GALNT14: variants seen among roughly 807,000 people sequenced by gnomAD.
The protein encoded by GALNT14 is UDP-GalNAc:polypeptide N-acetylgalactosaminyltransferase 14.
GALNT14 carries 60 observed loss-of-function variants against 77.5 expected under a neutral mutation model. The ratio of observed to expected loss-of-function variants is 0.77; its 90% CI spans 0.63 to 0.96. GALNT14 has a LOEUF of 0.96. Ranked by LOEUF, GALNT14 falls within the 40% of genes least tolerant of loss-of-function variation. GALNT14 has a pLI of 0.00. For synonymous variants in GALNT14, 280 were observed against 281.7 expected (o/e 0.99, Z 0.06); for missense variants, 710 against 731.0 (o/e 0.97, Z 0.33).
At position 31,102,522 on chromosome 2, in the gene GALNT14, A is replaced by AT. The variant is rs534183590; in HGVS notation, c.129+35435dup. Among the ~76,000 whole-genome samples, 30 of 151,454 alleles carry AT rather than the reference A, an allele frequency of 2.0e-4. No homozygotes were observed. In the East Asian group the frequency reaches 5.6e-3, roughly 28 times the overall value. On this transcript the variant is annotated intron_variant, in intron 1 of 14. Transcript: ENST00000349752. ...TTGCACTGTAATCAGAGAATATTGT[A>AT]TTTTTTCTACCTTTTGGGATTTATT...
At chr2:31,009,184 T>C (rs1322454840) in intron 1 of GALNT14, among the ~76,000 whole-genome samples, 1 of 152,170 alleles carries the variant, frequency 6.6e-6, no homozygotes, top group East Asian at 1.9e-4. Context: ...GAAGAACAAA[T>C]GGAGGAGGCA....
chr2:31,064,499 A>C (rs1365436881), intron 1 of GALNT14, among the ~76,000 whole-genome samples: 1 of 152,204 alleles, frequency 6.6e-6, no homozygotes, highest in East Asian at 1.9e-4. Context: ...CTGGGGACTA[A>C]ATTTAACTAA....
intron 9 of GALNT14, among the ~76,000 whole-genome samples, chr2:30,933,173 G>A (rs552531811): frequency 1.3e-5 from 2 of 152,172 alleles, no homozygotes. Flanking sequence ...GAATGACTGT[G>A]AGTGTTATCA....
At chr2:31,038,591 A>G (rs930110735) in intron 1 of GALNT14, among the ~76,000 whole-genome samples, 1 of 152,044 alleles carries the variant, frequency 6.6e-6, no homozygotes, top group African/African-American at 2.4e-5. Context: ...TTCCAACTCC[A>G]TTCTGCCCCC....
intron 13 of GALNT14, among the ~76,000 whole-genome samples, chr2:30,919,444 C>T (rs368637106): frequency 3.2e-4 from 49 of 152,262 alleles, no homozygotes; most frequent in Admixed American, 7.8e-4. Context: ...ACAACGAGGA[C>T]GCCCCAGAGC....
chr2:31,054,413 G>A (rs565322960), intron 1 of GALNT14, among the ~76,000 whole-genome samples: 15 of 151,992 alleles, frequency 9.9e-5, no homozygotes, highest in Admixed American at 3.3e-4. Flanking sequence ...CTGTCCCTCC[G>A]TCCTCATATC....
intron 1 of GALNT14, among the ~76,000 whole-genome samples, chr2:31,015,688 C>T (rs889621016): frequency 2.0e-5 from 3 of 152,180 alleles, no homozygotes; most frequent in Admixed American, 1.3e-4. Flanking sequence ...AAGGGCTCAA[C>T]ACCACGTCTG....
intron 1 of GALNT14, among the ~76,000 whole-genome samples, chr2:31,127,994 G>C (rs953861689): frequency 3.3e-5 from 5 of 152,122 alleles, no homozygotes; most frequent in Non-Finnish European, 5.9e-5. Flanking sequence ...TCATGTTTCT[G>C]CTTGGGATCT....
rs1355236769 is a variant in GALNT14 at position 31,015,010 on chromosome 2, C to T, written c.130-22003G>A. On this transcript the variant is annotated intron_variant, in intron 1 of 14. Transcript: ENST00000349752. ...TAGCTTTAAAGAGGCAGGAGCTTGG[C>T]CGGGCACCGTGGCTCATGCCTGTAA... is the stretch of plus-strand genomic sequence containing the variant. 2.0e-5 allele frequency among the ~76,000 whole-genome samples: 3 copies of T among 152,154 alleles called. No homozygotes were observed. The East Asian group carries it at 5.8e-4, about 29-fold the overall frequency.
intron 6 of GALNT14, among the ~76,000 whole-genome samples, chr2:30,946,417 C>T (rs761714368): frequency 2.2e-4 from 33 of 152,100 alleles, no homozygotes; most frequent in Admixed American, 4.6e-4. Context: ...CGAGTATGTT[C>T]TTCTTGTGAG....
intron 2 of GALNT14, among the ~76,000 whole-genome samples, chr2:30,990,373 TGAAGCCGGGACACAGTGGGGAGGC>T: frequency 6.6e-6 from 1 of 152,334 alleles, no homozygotes; most frequent in South Asian, 2.1e-4. Flanking sequence ...TGCATCAGGA[TGAAGCCGGGACACAGTGGGGAGGC>T]TGGAATCACA....
chr2:30,947,520 CAGTGAGG>C (rs1239920517), intron 6 of GALNT14, among the ~76,000 whole-genome samples: 3 of 152,186 alleles, frequency 2.0e-5, no homozygotes, highest in Non-Finnish European at 4.4e-5. Flanking sequence ...ACCTGATGTG[CAGTGAGG>C]AAAACTCCCC....
intron 1 of GALNT14, among the ~76,000 whole-genome samples, chr2:31,069,755 G>A (rs748847653): frequency 6.6e-6 from 1 of 152,148 alleles, no homozygotes; most frequent in Non-Finnish European, 1.5e-5. Flanking sequence ...CTTCCCAAGA[G>A]GCCTTGGGCA....
intron 1 of GALNT14, among the ~76,000 whole-genome samples, chr2:31,128,741 C>A (rs1309454914): frequency 1.3e-5 from 2 of 152,090 alleles, no homozygotes; most frequent in Non-Finnish European, 2.9e-5. Flanking sequence ...GAGCCTCTCT[C>A]CACTTCTTGC....
intron 1 of GALNT14, among the ~76,000 whole-genome samples, chr2:31,063,246 A>G (rs913729910): frequency 6.6e-6 from 1 of 152,202 alleles, no homozygotes; most frequent in African/African-American, 2.4e-5. Flanking sequence ...ATAAGGTGTA[A>G]GGAAGGGGTC....
intron 13 of GALNT14, among the ~76,000 whole-genome samples, chr2:30,923,056 CTTT>C (rs56163710): frequency 0.17 from 19,661 of 115,644 alleles, 997 homozygotes; most frequent in East Asian, 0.33. Context: ...ACAAACGTGC[CTTT>C]TTTTTTTTTT....
In GALNT14 at chr2:31,125,302, T is replaced by G. The variant is rs949767013; in HGVS notation, c.129+12656A>C. The G allele has an allele frequency of 4.6e-6, 6 of 1,309,666 alleles. No individual in the cohort carries two copies. In the African/African-American group the frequency reaches 7.3e-5, roughly 16 times the overall value. The allele number at this position is 1,309,666 out of a possible 1,614,324, so 81.1% of individuals were successfully genotyped here. A position where few individuals can be genotyped will look rare whatever the true frequency, so the allele number is the denominator to read the frequency against. On this transcript the variant is annotated intron_variant, in intron 1 of 14. Transcript: ENST00000349752. The stretch of plus-strand genomic sequence containing the variant: ...AGCAACATGGTCATTTCTTTGGCAA[T>G]TAATAGCAGCATTGATTTCACAGAG...
rs148464506 is a variant in GALNT14 at position 31,048,545 on chromosome 2, AATAAGAC to A, written c.130-55545_130-55539del. On this transcript the variant is annotated intron_variant, in intron 1 of 14. Coordinates refer to ENST00000349752, the MANE Select transcript of GALNT14 (RefSeq NM_024572.4). ...GAATGGATAGATTCTTGGGAGCAAAAATAAGACAGTGCTGGAGATAACCAGGCCCTGG... is the reference window on the plus strand; with the variant it reads ...GAATGGATAGATTCTTGGGAGCAAAAAGTGCTGGAGATAACCAGGCCCTGG... Among the ~76,000 whole-genome samples, 1,376 of 152,052 alleles carry A rather than the reference AATAAGAC, an allele frequency of 9.0e-3. 20 individuals carry two copies. The highest frequency in any genetic ancestry group is 0.031 in the African/African-American group (1,284 of 41,418).
In GALNT14 at chr2:30,976,126, C is replaced by G. The variant is rs756413391; in HGVS notation, c.300-9824G>C. On this transcript the variant is annotated intron_variant, in intron 2 of 14. Transcript: ENST00000349752. ...CAGCAAAAAACATAATTACTGAACACAGAAGGCCAGACATCTCCCACTCTT... is the reference window on the plus strand; with the variant it reads ...CAGCAAAAAACATAATTACTGAACAGAGAAGGCCAGACATCTCCCACTCTT... Among the ~76,000 whole-genome samples the G allele has an allele frequency of 2.7e-4, 41 of 152,162 alleles. 1 individual carries two copies. Among genetic ancestry groups the G allele is most frequent in the Admixed American group, 4.6e-4 (7 of 15,270 alleles).
Sources: gnomAD v4.1 joint callset for allele counts (sites outside exome capture counted in the v4.1 genomes callset) on GRCh38, gnomAD v4.1.1 for gene constraint, MANE v1.5 for transcripts, NCBI Gene and HGNC (gene_info 2026-07-23, HGNC 2026-07-21) for gene names.